The following PDE8A variants were observed in gnomAD, a reference collection of about 807,000 sequenced individuals.
PDE8A encodes the protein high affinity cAMP-specific and IBMX-insensitive 3',5'-cyclic phosphodiesterase 8A.
A neutral mutation model predicts 105.0 loss-of-function variants in PDE8A; 59 were observed. That is an observed-to-expected ratio of 0.56 (90% CI 0.46 to 0.70). PDE8A has a LOEUF of 0.70. PDE8A is among the 30% of genes least tolerant of loss of function. PDE8A has a pLI of 0.00. For synonymous variants in PDE8A, 355 were observed against 371.9 expected, an observed-to-expected ratio of 0.95 and a Z score of 0.52; for missense variants, 1,014 against 1,045.9, an observed-to-expected ratio of 0.97 and a Z score of 0.42.
intron 6 of PDE8A, among the ~76,000 whole-genome samples, chr15:85,086,853 C>G (rs577421023): frequency 1.6e-4 from 24 of 152,014 alleles, no homozygotes; most frequent in Middle Eastern, 3.4e-3. Context: ...CAGGTTCAAG[C>G]GATTCTCCTG....
At chr15:85,028,688 G>A (rs2080560148) in intron 1 of PDE8A, among the ~76,000 whole-genome samples, 1 of 151,948 alleles carries the variant, frequency 6.6e-6, no homozygotes, top group Non-Finnish European at 1.5e-5. Flanking sequence ...AACTTCTTTA[G>A]CATTTTACCT....
At chr15:85,128,955 T>C (rs1455117496) in intron 20 of PDE8A, among the ~76,000 whole-genome samples, 1 of 152,268 alleles carries the variant, frequency 6.6e-6, no homozygotes, top group East Asian at 1.9e-4. Context: ...ACAGTCACTT[T>C]GGGAAGCAGT....
intron 1 of PDE8A, among the ~76,000 whole-genome samples, chr15:85,054,979 T>A (rs1170992958): frequency 6.6e-6 from 1 of 152,200 alleles, no homozygotes; most frequent in Non-Finnish European, 1.5e-5. Context: ...ACACACTGCT[T>A]TAAATGTGTC....
At chr15:85,063,447 C>T (rs1241004384) in intron 1 of PDE8A, 4 of 152,224 alleles carry the variant, frequency 2.6e-5, no homozygotes, top group Non-Finnish European at 4.4e-5. Flanking sequence ...GGGTAGCAGC[C>T]CAGTGCCAGA....
intron 1 of PDE8A, among the ~76,000 whole-genome samples, chr15:85,033,185 AAG>A (rs780734480): frequency 6.6e-6 from 1 of 152,186 alleles, no homozygotes; most frequent in South Asian, 2.1e-4. Flanking sequence ...ATCTCAGGAA[AAG>A]AGAGAGACAT....
intron 1 of PDE8A, among the ~76,000 whole-genome samples, chr15:84,983,845 G>C (rs965934691): frequency 1.3e-5 from 2 of 152,192 alleles, no homozygotes; most frequent in African/African-American, 4.8e-5. Flanking sequence ...GTGGTGGATT[G>C]GGTGTCCTAA....
At chr15:85,015,100 T>A (rs1030856201) in intron 1 of PDE8A, among the ~76,000 whole-genome samples, 2 of 152,236 alleles carry the variant, frequency 1.3e-5, no homozygotes, top group African/African-American at 4.8e-5. Context: ...TATTAATAGT[T>A]TGAATCAGTT....
chr15:84,995,322 T>C (rs2079958456), intron 1 of PDE8A, among the ~76,000 whole-genome samples: 1 of 151,998 alleles, frequency 6.6e-6, no homozygotes, highest in Admixed American at 6.6e-5. Flanking sequence ...TGTACCTTTT[T>C]TTTTTTTTCT....
chr15:85,115,801 A>G, intron 15 of PDE8A, 183 bp from the exon 16 acceptor site: 1 of 577,852 alleles, frequency 1.7e-6, no homozygotes, highest in South Asian at 2.2e-5. Context: ...GGTGCCTGTA[A>G]TCCCACTACT....
chr15:85,017,361 C>A (rs2080343528), intron 1 of PDE8A, among the ~76,000 whole-genome samples: 1 of 151,916 alleles, frequency 6.6e-6, no homozygotes, highest in Non-Finnish European at 1.5e-5. Context: ...CACATAAATT[C>A]TTTGGGGTTT....
In PDE8A at chr15:85,109,046, T is replaced by C. The variant is rs753209896; in HGVS notation, c.1037-7T>C. The C allele has an allele frequency of 1.3e-6, 2 of 1,588,466 alleles. No individual in the cohort carries two copies. The highest frequency in any genetic ancestry group is 1.7e-6 in the Non-Finnish European group (2 of 1,158,016). ...TTGAAGAGGTGATTTATCATTTGTTTCTACAGATAATCAGACAGGCAAACA... is the reference window on the plus strand; with the variant it reads ...TTGAAGAGGTGATTTATCATTTGTTCCTACAGATAATCAGACAGGCAAACA... On this transcript the variant is annotated splice_polypyrimidine_tract_variant and splice_region_variant and intron_variant, in intron 11 of 21. Coordinates refer to ENST00000394553, the MANE Select transcript of PDE8A (RefSeq NM_002605.3).
At chr15:84,993,728 T>A (rs200324841) in intron 1 of PDE8A, among the ~76,000 whole-genome samples, 25,203 of 133,558 alleles carry the variant, frequency 0.19, 2,766 homozygotes, top group Middle Eastern at 0.31. Context: ...TAAAAAAAAA[T>A]AATAATAAAT....
In PDE8A at chr15:85,118,754, TA is replaced by T. The variant is rs559837877; in HGVS notation, c.1734+917del. ...ACCTGTTGCTCCCTTGACTGGGGCC[TA>T]AGATGACTGCAGTCATGCAGGGCCA... On this transcript the variant is annotated intron_variant, in intron 17 of 21. Coordinates refer to ENST00000394553, the MANE Select transcript of PDE8A (RefSeq NM_002605.3). Among the ~76,000 whole-genome samples, 5 of 152,340 alleles carry T rather than the reference TA, an allele frequency of 3.3e-5. No individual in the cohort carries two copies. In the East Asian group the frequency reaches 9.7e-4, roughly 29 times the overall value.
At chr15:85,111,538 A>G (rs1230325807) in intron 12 of PDE8A, among the ~76,000 whole-genome samples, 1 of 152,172 alleles carries the variant, frequency 6.6e-6, no homozygotes, top group Non-Finnish European at 1.5e-5. Flanking sequence ...CCTGGACTCT[A>G]TTCTGTTCCA....
In PDE8A at chr15:85,123,190, T is replaced by C. The variant is rs1306337924; in HGVS notation, c.2082T>C (p.Asn694=). The C allele has an allele frequency of 1.9e-6, 3 of 1,613,640 alleles. No individual in the cohort carries two copies. The highest frequency in any genetic ancestry group is 1.7e-5 in the Admixed American group (1 of 59,974). ...INKPLATLEE[N]GETDKNQEVI... ...AACCCTTGGCAACACTAGAAGAAAA[T>C]GGGGTAAGGGAAACTTATTGCAAAG... The change falls in exon 19 of 22, where the codon AAT becomes AAC. Residue 694 remains asparagine, a synonymous_variant. Coordinates refer to ENST00000394553, the MANE Select transcript of PDE8A (RefSeq NM_002605.3).
At chr15:84,987,769 G>A (rs1040813801) in intron 1 of PDE8A, among the ~76,000 whole-genome samples, 1 of 152,030 alleles carries the variant, frequency 6.6e-6, no homozygotes, top group African/African-American at 2.4e-5. Context: ...GAGCCACCGC[G>A]CCCGGCCTTG....
At chr15:85,002,216 T>A (rs771147743) in intron 1 of PDE8A, among the ~76,000 whole-genome samples, 3 of 152,046 alleles carry the variant, frequency 2.0e-5, no homozygotes, top group Non-Finnish European at 2.9e-5. Flanking sequence ...AAGTAGTAGG[T>A]CTTTAGGTTG....
At position 84,982,159 on chromosome 15, in the gene PDE8A, C is replaced by A; in HGVS notation, c.-4C>A. On this transcript the variant is annotated 5_prime_UTR_variant, in exon 1 of 22. Transcript: ENST00000394553. ...GCCAGCGTGTCCGCGGCGCCGCCGC[C>A]AGCATGGGCTGTGCCCCGAGCATCC... 1 of 1,360,446 alleles carries A rather than the reference C, an allele frequency of 7.4e-7. No homozygotes were observed. The highest frequency in any genetic ancestry group is 9.4e-7 in the Non-Finnish European group (1 of 1,059,046). The allele number at this position is 1,360,446 out of a possible 1,614,324, so 84.3% of individuals were successfully genotyped here.
intron 1 of PDE8A, among the ~76,000 whole-genome samples, chr15:85,047,037 C>T (rs897047862): frequency 6.6e-6 from 1 of 151,988 alleles, no homozygotes; most frequent in African/African-American, 2.4e-5. Flanking sequence ...AGATTAAGAA[C>T]GTGTATAATT....
Sources: allele counts gnomAD v4.1 joint callset (sites outside exome capture counted in the v4.1 genomes callset), GRCh38; gene constraint gnomAD v4.1.1; transcripts MANE v1.5; gene names NCBI Gene and HGNC (gene_info 2026-07-23, HGNC 2026-07-21).